FCRL2: variants seen among roughly 807,000 people sequenced by gnomAD.
The protein encoded by FCRL2 is Fc receptor-like protein 2.
A neutral mutation model predicts 59.8 loss-of-function variants in FCRL2; 48 were observed. The ratio of observed to expected loss-of-function variants is 0.80; its 90% CI spans 0.64 to 1.02. FCRL2 has a LOEUF of 1.02. Ranked by LOEUF, FCRL2 falls within the 50% of genes least tolerant of loss-of-function variation. FCRL2 has a pLI of 0.00. For synonymous variants in FCRL2, 251 were observed against 229.5 expected (o/e 1.09, Z -0.85); for missense variants, 658 against 597.3 (o/e 1.10, Z -1.06).
At position 157,769,975 on chromosome 1, in the gene FCRL2, G is replaced by T. The variant is rs768118581; in HGVS notation, c.486C>A (p.Leu162=). ...LGSGWSSSPE[L]QISAVWSEDT... is the part of the protein sequence containing the mutation. ...CTTCACTCCACACGGCAGAAATCTGGAGCTCCGGAGAGCTGCTCCAGCCTG... is the reference window on the plus strand; with the variant it reads ...CTTCACTCCACACGGCAGAAATCTGTAGCTCCGGAGAGCTGCTCCAGCCTG... Residue 162 remains leucine (L), a synonymous_variant, in exon 4 of 12, where the codon CTC becomes CTA. Coordinates refer to ENST00000361516, the MANE Select transcript of FCRL2 (RefSeq NM_030764.4). 1 of 1,614,162 alleles carries T rather than the reference G, an allele frequency of 6.2e-7. No homozygotes were observed. Among genetic ancestry groups the T allele is most frequent in the Non-Finnish European group, 8.5e-7 (1 of 1,180,026 alleles).
chr1:157,774,335 A>C (rs1650248190), intron 2 of FCRL2: 1 of 412,200 alleles, frequency 2.4e-6, no homozygotes, highest in African/African-American at 2.1e-5. Context: ...TTCAGAGGCC[A>C]AGTGACTGCC....
Position 157,746,288 on chromosome 1 carries a change from A to G in FCRL2, c.*448T>C, listed in dbSNP as rs1647741836. On this transcript the variant is annotated 3_prime_UTR_variant, in exon 12 of 12. Transcript: ENST00000361516. ...AACATTCTGGCAGAGACACAGTGGA[A>G]AAGAAAATTTCAGGCCAATATTCCC... The G allele has an allele frequency of 6.3e-6, 1 of 159,642 alleles. No homozygotes were observed. Among genetic ancestry groups the G allele is most frequent in the Admixed American group, 6.1e-5 (1 of 16,342 alleles). 9.9% of individuals were successfully genotyped at this position (159,642 alleles called of 1,614,324 possible).
chr1:157,749,593 T>C, intron 8 of FCRL2, 57 bp downstream of exon 8: 1 of 1,318,768 alleles, frequency 7.6e-7, no homozygotes. Flanking sequence ...AGTAGGTATT[T>C]AAAACTGAAT....
Position 157,748,900 on chromosome 1 carries a change from C to A in FCRL2, c.1368G>T (p.Glu456Asp), listed in dbSNP as rs746908411. The stretch of plus-strand genomic sequence containing the variant: ...CATTGACATACACTGGCTGCAGCTC[C>A]TCCATGTCTGGGGTTGGGCTTGAAT... ...FTYSSPTPDMEELQPVYVNVG... is the reference protein window; with the variant it reads ...FTYSSPTPDMDELQPVYVNVG... The change falls in exon 9 of 12, where the codon GAG becomes GAT. Residue 456 changes from glutamate (E) to aspartate (D), a missense_variant. Coordinates refer to ENST00000361516, the MANE Select transcript of FCRL2 (RefSeq NM_030764.4). 6.2e-7 allele frequency: 1 copy of A among 1,613,936 alleles called. No individual in the cohort carries two copies. The highest frequency in any genetic ancestry group is 8.5e-7 in the Non-Finnish European group (1 of 1,179,920).
At chr1:157,770,321 C>T in intron 3 of FCRL2, 88 bp downstream of exon 3, 1 of 1,501,206 alleles carries the variant, frequency 6.7e-7, no homozygotes, top group African/African-American at 1.4e-5. Flanking sequence ...ATATTTAGCC[C>T]ATGAGCAGCT....
Position 157,770,607 on chromosome 1 carries a change from A to G in FCRL2, c.112T>C (p.Cys38Arg). The change falls in exon 3 of 12, where the codon TGC (cysteine) becomes CGC (arginine). Residue 38 changes from cysteine to arginine, a missense_variant. Coordinates refer to ENST00000361516, the MANE Select transcript of FCRL2 (RefSeq NM_030764.4). ...VFEGDSIVLK[C>R]QGEQNWKIQK... The stretch of plus-strand genomic sequence containing the variant: ...ATTTTCCAGTTCTGTTCTCCCTGGC[A>G]TTTCAGAACGATGCTGTCTCCTTCG... 1 of 1,614,186 alleles carries G rather than the reference A, an allele frequency of 6.2e-7. No individual in the cohort carries two copies. Among genetic ancestry groups the G allele is most frequent in the East Asian group, 2.2e-5 (1 of 44,874 alleles).
In FCRL2 at chr1:157,757,729, G is replaced by T. The variant is rs540311360; in HGVS notation, c.1280-8052C>A. ...TGTAATCCCAGCACTTCGGGAGGCC[G>T]ATGCAGGTGAATCACGAGGTCAGGA... On this transcript the variant is annotated intron_variant, in intron 7 of 11. Coordinates refer to ENST00000361516, the MANE Select transcript of FCRL2 (RefSeq NM_030764.4). 2.0e-5 allele frequency among the ~76,000 whole-genome samples: 3 copies of T among 152,320 alleles called. No individual in the cohort carries two copies. The East Asian group carries it at 5.8e-4, about 29-fold the overall frequency.
chr1:157,757,252 C>T (rs1648663746), intron 7 of FCRL2, among the ~76,000 whole-genome samples: 1 of 152,122 alleles, frequency 6.6e-6, no homozygotes, highest in South Asian at 2.1e-4. Flanking sequence ...TTGTGTCCTG[C>T]CCAAACTCCA....
rs1355902279 is a variant in FCRL2 at position 157,775,777 on chromosome 1, G to C, written c.50C>G (p.Ala17Gly). 1 of 1,614,060 alleles carries C rather than the reference G, an allele frequency of 6.2e-7. No individual in the cohort carries two copies. Among genetic ancestry groups the C allele is most frequent in the South Asian group, 1.1e-5 (1 of 91,074 alleles). The change falls in exon 2 of 12, where the codon GCA becomes GGA. Residue 17 changes from alanine to glycine, a missense_variant and splice_region_variant. Ala to Gly is a moderately conservative substitution (Grantham distance 60). Coordinates refer to ENST00000361516, the MANE Select transcript of FCRL2 (RefSeq NM_030764.4). ...LVIFDAVTEQ[A>G]DSLTLVAPSS... ...CAACAAAGACAAGGAGGACTCACCT[G>C]CCTGTTCAGTGACTGCATCTGTGAG...
chr1:157,776,553 G>A (rs1259354719), intron 1 of FCRL2, among the ~76,000 whole-genome samples: 1 of 152,142 alleles, frequency 6.6e-6, no homozygotes, highest in Admixed American at 6.6e-5. Flanking sequence ...ACAGGTATGA[G>A]CCACTGCACT....
intron 7 of FCRL2, among the ~76,000 whole-genome samples, chr1:157,765,501 A>G (rs767674821): frequency 6.6e-5 from 10 of 152,186 alleles, no homozygotes; most frequent in Non-Finnish European, 1.5e-4. Flanking sequence ...AAAGAAAACT[A>G]CTGGCCAATA....
In FCRL2 at chr1:157,769,986, A is replaced by G; in HGVS notation, c.475T>C (p.Ser159Pro). 4 of 1,614,120 alleles carry G rather than the reference A, an allele frequency of 2.5e-6. No homozygotes were observed. Among genetic ancestry groups the G allele is most frequent in the Non-Finnish European group, 2.5e-6 (3 of 1,180,028 alleles). Reference protein sequence around the residue: ...NQVLGSGWSSSPELQISAVWS... With the variant: ...NQVLGSGWSSPPELQISAVWS... ...ACGGCAGAAATCTGGAGCTCCGGAG[A>G]GCTGCTCCAGCCTGACCCCAGGACC... The change falls in exon 4 of 12, where the codon TCT becomes CCT. Residue 159 changes from serine to proline, a missense_variant. Ser to Pro is a moderately conservative substitution (Grantham distance 74). Transcript: ENST00000361516.
At chr1:157,753,339 A>T (rs1016993341) in intron 7 of FCRL2, among the ~76,000 whole-genome samples, 2 of 152,174 alleles carry the variant, frequency 1.3e-5, no homozygotes, top group Non-Finnish European at 2.9e-5. Flanking sequence ...TATCTTTCTG[A>T]CCAAATGGCT....
intron 7 of FCRL2, among the ~76,000 whole-genome samples, chr1:157,759,782 G>C (rs1364308445): frequency 6.6e-6 from 1 of 152,088 alleles, no homozygotes. Context: ...CTATTAAAAA[G>C]TCAAAAAATG....
intron 7 of FCRL2, 103 bp from the exon 8 acceptor site, chr1:157,749,780 T>A: frequency 1.3e-6 from 1 of 767,922 alleles, no homozygotes. Flanking sequence ...AGACATAAGA[T>A]ATAGAAGAGT....
At chr1:157,748,358 G>T (rs560479081) in intron 10 of FCRL2, among the ~76,000 whole-genome samples, 195 bp downstream of exon 10, 133 of 152,204 alleles carry the variant, frequency 8.7e-4, no homozygotes, top group African/African-American at 3.1e-3. Flanking sequence ...CACAGGCAGA[G>T]ATTGCAGTGA....
intron 7 of FCRL2, among the ~76,000 whole-genome samples, chr1:157,760,746 AG>A: frequency 6.7e-6 from 1 of 150,332 alleles, no homozygotes; most frequent in East Asian, 1.9e-4. Context: ...AAAGAAAGAA[AG>A]AAAGAAAGAA....
At position 157,746,633 on chromosome 1, in the gene FCRL2, C is replaced by T. The variant is rs569353237; in HGVS notation, c.*103G>A. ...AGGTGCCTCCTGAGGCACGTTCTGG[C>T]TGTGGCAGGTGATAAGCCTCAAGCA... On this transcript the variant is annotated 3_prime_UTR_variant, in exon 12 of 12. Transcript: ENST00000361516. 24 of 1,173,482 alleles carry T rather than the reference C, an allele frequency of 2.0e-5. No individual in the cohort carries two copies. In the African/African-American group the frequency reaches 2.9e-4, roughly 14 times the overall value. The allele number at this position is 1,173,482 out of a possible 1,614,324, so 72.7% of individuals were successfully genotyped here.
intron 10 of FCRL2, among the ~76,000 whole-genome samples, chr1:157,747,557 G>T (rs1647845446): frequency 6.6e-6 from 1 of 152,168 alleles, no homozygotes; most frequent in Admixed American, 6.5e-5. Context: ...GCAGACAGAG[G>T]ACCCACCTTC....
Sources: allele counts gnomAD v4.1 joint callset (sites outside exome capture counted in the v4.1 genomes callset), GRCh38; gene constraint gnomAD v4.1.1; transcripts MANE v1.5; gene names NCBI Gene and HGNC (gene_info 2026-07-23, HGNC 2026-07-21).